Variants in CAPN8 observed in about 807,000 individuals in gnomAD.
CAPN8 encodes the protein calpain 8.
CAPN8 carries 87 observed loss-of-function variants against 80.9 expected under a neutral mutation model. The ratio of observed to expected loss-of-function variants is 1.07; its 90% CI spans 0.90 to 1.28. CAPN8 has a LOEUF of 1.28. Among genes scored for constraint, CAPN8 ranks in the 50% most tolerant of loss-of-function variants. The pLI is 0.00. For missense variants in CAPN8, 757 were observed against 702.0 expected (o/e 1.08, Z -0.89); for synonymous variants, 299 against 273.8 (o/e 1.09, Z -0.91).
intron 1 of CAPN8, among the ~76,000 whole-genome samples, chr1:223,664,764 C>T (rs777261748): frequency 2.6e-5 from 4 of 152,184 alleles, no homozygotes; most frequent in Non-Finnish European, 4.4e-5. Context: ...ACAGCACAAC[C>T]CTGTCTCTAC....
At chr1:223,547,063 G>A (rs1656643096) in intron 16 of CAPN8, among the ~76,000 whole-genome samples, 1 of 152,104 alleles carries the variant, frequency 6.6e-6, no homozygotes, top group African/African-American at 2.4e-5. Flanking sequence ...ACAGACATGT[G>A]CCATCACGCC....
chr1:223,543,021 C>T, intron 20 of CAPN8, 87 bp downstream of exon 20: 2 of 1,434,590 alleles, frequency 1.4e-6, no homozygotes, highest in Non-Finnish European at 1.9e-6. Context: ...AGACAGCCAA[C>T]AGGAATAAGC....
At chr1:223,656,418 C>T (rs1268223755) in intron 1 of CAPN8, among the ~76,000 whole-genome samples, 1 of 152,012 alleles carries the variant, frequency 6.6e-6, no homozygotes, top group Non-Finnish European at 1.5e-5. Context: ...CAAGATCACG[C>T]CATTGCACTC....
intron 11 of CAPN8, among the ~76,000 whole-genome samples, chr1:223,610,241 A>C (rs1292259238): frequency 6.6e-6 from 1 of 152,196 alleles, no homozygotes; most frequent in Admixed American, 6.5e-5. Flanking sequence ...CAGAGTGGAC[A>C]GTGTTCATTC....
chr1:223,659,678 T>C lies in CAPN8; in HGVS notation c.238-5279A>G, dbSNP rs1014598613. On this transcript the variant is annotated intron_variant, in intron 1 of 20. Coordinates refer to ENST00000366872, the MANE Select transcript of CAPN8 (RefSeq NM_001143962.2). The stretch of plus-strand genomic sequence containing the variant: ...TACATTGTGTTCATATTTCTATTTA[T>C]TTCACTCTCTGGATATTCTGTCTTG... Among the ~76,000 whole-genome samples the C allele has an allele frequency of 2.0e-5, 3 of 152,364 alleles. No homozygotes were observed. The South Asian group carries it at 6.2e-4, about 32-fold the overall frequency.
At chr1:223,544,375 C>G in intron 18 of CAPN8, 192 bp from the exon 19 acceptor site, 1 of 594,360 alleles carries the variant, frequency 1.7e-6, no homozygotes. Context: ...TGTAGCTACT[C>G]CTCACCAAGA....
rs1348316110 is a variant in CAPN8, at chr1:223,628,789, T to C, written c.308-9A>G. 6.4e-7 allele frequency: 1 copy of C among 1,550,962 alleles called. No individual in the cohort carries two copies. The highest frequency in any genetic ancestry group is 8.7e-7 in the Non-Finnish European group (1 of 1,145,902). ...CAGAAGCCAGCAGTCACCTGCACAG[T>C]GTCACAGGGGACACAGATTGGTCAG... On this transcript the variant is annotated splice_polypyrimidine_tract_variant and intron_variant, in intron 2 of 20. Coordinates refer to ENST00000366872, the MANE Select transcript of CAPN8 (RefSeq NM_001143962.2).
At chr1:223,649,794 A>C (rs1407167719) in intron 2 of CAPN8, among the ~76,000 whole-genome samples, 3 of 152,224 alleles carry the variant, frequency 2.0e-5, no homozygotes, top group Non-Finnish European at 4.4e-5. Context: ...AAAGTGCAAC[A>C]AACATTTATG....
chr1:223,619,026 C>CA (rs1177670523), intron 9 of CAPN8, among the ~76,000 whole-genome samples: 2 of 152,204 alleles, frequency 1.3e-5, no homozygotes, highest in African/African-American at 4.8e-5. Context: ...CCTGTCTCTA[C>CA]AAAAACATTT....
At chr1:223,649,629 A>G (rs758875163) in intron 2 of CAPN8, among the ~76,000 whole-genome samples, 2 of 152,336 alleles carry the variant, frequency 1.3e-5, no homozygotes, top group African/African-American at 2.4e-5. Flanking sequence ...CAACCTCAGG[A>G]TGGAATTTTT....
At chr1:223,612,933 G>A (rs1312434367) in intron 10 of CAPN8, among the ~76,000 whole-genome samples, 1 of 152,166 alleles carries the variant, frequency 6.6e-6, no homozygotes, top group Non-Finnish European at 1.5e-5. Flanking sequence ...TTGGTTTCAT[G>A]AGCTGGTACA....
chr1:223,657,552 A>G (rs1017988824), intron 1 of CAPN8, among the ~76,000 whole-genome samples: 3 of 151,958 alleles, frequency 2.0e-5, no homozygotes, highest in Admixed American at 6.6e-5. Context: ...GGATCACTTG[A>G]GGTCAGGAGT....
At chr1:223,622,090 G>A (rs1233762212) in intron 7 of CAPN8, among the ~76,000 whole-genome samples, 1 of 152,184 alleles carries the variant, frequency 6.6e-6, no homozygotes, top group Non-Finnish European at 1.5e-5. Context: ...ACAGGCCTGA[G>A]CCACTGTACC....
At chr1:223,611,852 T>C (rs1657038256) in intron 11 of CAPN8, among the ~76,000 whole-genome samples, 2 of 152,168 alleles carry the variant, frequency 1.3e-5, no homozygotes, top group Non-Finnish European at 2.9e-5. Context: ...CTAGCCAAGC[T>C]TGAAAACCCA....
At chr1:223,652,914 G>T (rs1267465617) in intron 2 of CAPN8, among the ~76,000 whole-genome samples, 1 of 151,990 alleles carries the variant, frequency 6.6e-6, no homozygotes, top group African/African-American at 2.4e-5. Flanking sequence ...CCATGGTAAC[G>T]CTCAGGCCGC....
At position 223,544,041 on chromosome 1, in the gene CAPN8, TGGGGCTGGAG is replaced by T; in HGVS notation, c.2029+16_2029+25del. ...ACCTTGCACCTTGGGATTAATAGGA[TGGGGCTGGAG>T]GACAGAGTGACTCACTGAAGAGGGT... is the stretch of plus-strand genomic sequence containing the variant. On this transcript the variant is annotated intron_variant, in intron 19 of 20. Coordinates refer to ENST00000366872, the MANE Select transcript of CAPN8 (RefSeq NM_001143962.2). 3 of 716,978 alleles carry T rather than the reference TGGGGCTGGAG, an allele frequency of 4.2e-6. No homozygotes were observed. In the South Asian group the frequency reaches 4.4e-5, roughly 11 times the overall value. 44.4% of individuals were successfully genotyped at this position (716,978 alleles called of 1,614,324 possible). A position where few individuals can be genotyped will look rare whatever the true frequency, so the allele number is the denominator to read the frequency against.
At chr1:223,613,819 C>A (rs537877884) in intron 10 of CAPN8, among the ~76,000 whole-genome samples, 1 of 152,174 alleles carries the variant, frequency 6.6e-6, no homozygotes. Flanking sequence ...GAATATGGCA[C>A]CCACTCCCTG....
rs79128521 is a variant in CAPN8, at chr1:223,626,956, G to T, written c.729+33C>A. On this transcript the variant is annotated intron_variant, in intron 5 of 20. Coordinates refer to ENST00000366872, the MANE Select transcript of CAPN8 (RefSeq NM_001143962.2). ...ACCACACAAGGGGTGGCGGTGGGGG[G>T]AGGTGGGGCAGTAGAGAAGCCATAT... 18,131 of 1,542,492 alleles carry T rather than the reference G, an allele frequency of 0.012. 922 individuals carry two copies. In the East Asian group the frequency reaches 0.13, roughly 11 times the overall value.
intron 2 of CAPN8, among the ~76,000 whole-genome samples, chr1:223,633,442 A>C (rs1340151423): frequency 2.6e-5 from 4 of 151,974 alleles, no homozygotes; most frequent in Non-Finnish European, 2.9e-5. Flanking sequence ...CAGGTGGATC[A>C]CTTGAGGTCA....
Sources: allele counts gnomAD v4.1 joint callset (sites outside exome capture counted in the v4.1 genomes callset), GRCh38; gene constraint gnomAD v4.1.1; transcripts MANE v1.5; gene names NCBI Gene and HGNC (gene_info 2026-07-23, HGNC 2026-07-21).